The following KRT33B variants were observed in gnomAD, a reference collection of about 807,000 sequenced individuals.
The protein encoded by KRT33B is keratin, type I cuticular Ha3-II.
KRT33B carries 37 observed loss-of-function variants against 42.7 expected under a neutral mutation model. That is an observed-to-expected ratio of 0.87 (90% CI 0.67 to 1.14). KRT33B has a LOEUF of 1.14. KRT33B is among the 50% of genes most tolerant of loss of function. KRT33B has a pLI of 0.00. For synonymous variants in KRT33B, 237 were observed against 221.2 expected, an observed-to-expected ratio of 1.07 and a Z score of -0.63; for missense variants, 523 against 515.1, an observed-to-expected ratio of 1.02 and a Z score of -0.15.
intron 6 of KRT33B, 57 bp from the exon 7 acceptor site, chr17:41,364,010 ACT>A (rs1171743943): frequency 8.3e-7 from 1 of 1,207,276 alleles, no homozygotes; most frequent in East Asian, 2.4e-5. Flanking sequence ...AACAAGGGAG[ACT>A]CAATCCAAAG....
At chr17:41,364,695 A>C in intron 6 of KRT33B, 84 bp downstream of exon 6, 1 of 1,562,582 alleles carries the variant, frequency 6.4e-7, no homozygotes. Flanking sequence ...TTGGCATCTG[A>C]AACTTGATTT....
chr17:41,363,976 T>C, intron 6 of KRT33B, 23 bp from the exon 7 acceptor site: 3 of 1,509,610 alleles, frequency 2.0e-6, no homozygotes, highest in Non-Finnish European at 1.8e-6. Flanking sequence ...AGCATTAGAC[T>C]GTCAGCATGA....
rs1235932558 is a variant in KRT33B at position 41,369,800 on chromosome 17, C to A, written c.-50G>T. On this transcript the variant is annotated 5_prime_UTR_variant, in exon 1 of 7. The change creates a new upstream start codon in the 5' untranslated region. Transcript: ENST00000251646. ...GGAAGTCAGTTTCAAAACCTGATTC[C>A]TTTTCCCTGGGATAAGCCTTGGTCC... is the stretch of plus-strand genomic sequence containing the variant. The A allele has an allele frequency of 1.3e-6, 2 of 1,566,542 alleles. No individual in the cohort carries two copies. The highest frequency in any genetic ancestry group is 1.4e-5 in the African/African-American group (1 of 73,762).
chr17:41,367,802 C>A (rs1351704485), intron 2 of KRT33B, 106 bp downstream of exon 2: 3 of 943,200 alleles, frequency 3.2e-6, no homozygotes, highest in African/African-American at 3.3e-5. Flanking sequence ...ATGCAAGAAT[C>A]CTCCCAATAG....
chr17:41,365,088 T>C (rs1032994119), intron 5 of KRT33B, 87 bp downstream of exon 5: 10 of 1,609,622 alleles, frequency 6.2e-6, no homozygotes, highest in Non-Finnish European at 5.9e-6. Flanking sequence ...CTCCAAGAGC[T>C]AAGAAGAGTG....
chr17:41,366,963 C>A (rs2017709506), intron 2 of KRT33B, among the ~76,000 whole-genome samples: 1 of 151,284 alleles, frequency 6.6e-6, no homozygotes, highest in African/African-American at 2.5e-5. Flanking sequence ...GTTGTCCTGT[C>A]ATCCTTTCCA....
rs745783570 is a variant in KRT33B at position 41,366,479 on chromosome 17, G to T, written c.579C>A (p.Asn193Lys). ...LKEELLSLKQ[N>K]HEQEVNTLRC... ...GGGCTGGGACTCTTACCTGCTCATGGTTCTGCTTGAGGGACAGCAGCTCCT... is the reference window on the plus strand; with the variant it reads ...GGGCTGGGACTCTTACCTGCTCATGTTTCTGCTTGAGGGACAGCAGCTCCT... The change falls in exon 3 of 7, where the codon AAC (asparagine) becomes AAA (lysine). Residue 193 changes from asparagine (N) to lysine (K), a missense_variant. Transcript: ENST00000251646. The T allele has an allele frequency of 1.2e-6, 2 of 1,612,422 alleles. No individual in the cohort carries two copies. The highest frequency in any genetic ancestry group is 2.2e-5 in the East Asian group (1 of 44,862).
chr17:41,364,769 A>T lies in KRT33B; in HGVS notation c.1097+10T>A. On this transcript the variant is annotated intron_variant, in intron 6 of 6. Coordinates refer to ENST00000251646, the MANE Select transcript of KRT33B (RefSeq NM_002279.5). Reference sequence around the variant, plus strand: ...GTCCCTTGCAGGGGTGCCGTCCGCCAGGTACTCACTTGCAGTCCTCGCTCT... The same window carrying T: ...GTCCCTTGCAGGGGTGCCGTCCGCCTGGTACTCACTTGCAGTCCTCGCTCT... The T allele has an allele frequency of 1.2e-6, 2 of 1,612,454 alleles. No individual in the cohort carries two copies. The highest frequency in any genetic ancestry group is 1.7e-6 in the Non-Finnish European group (2 of 1,179,878).
At chr17:41,366,414 A>T in intron 3 of KRT33B, 56 bp downstream of exon 3, 2 of 1,597,474 alleles carry the variant, frequency 1.3e-6, no homozygotes, top group Admixed American at 1.7e-5. Context: ...ACCTTATCCT[A>T]TTCAGGGGGA....
At position 41,369,309 on chromosome 17, in the gene KRT33B, T is replaced by C. The variant is rs879012707; in HGVS notation, c.348+94A>G. On this transcript the variant is annotated intron_variant, in intron 1 of 6. Coordinates refer to ENST00000251646, the MANE Select transcript of KRT33B (RefSeq NM_002279.5). Reference sequence around the variant, plus strand: ...ATCTATGTCTTTATCATTCTCAGCATTACTGTGAACAGACTTAGATCCATT... The same window carrying C: ...ATCTATGTCTTTATCATTCTCAGCACTACTGTGAACAGACTTAGATCCATT... 89 of 1,476,734 alleles carry C rather than the reference T, an allele frequency of 6.0e-5. 1 individual carries two copies. The South Asian group carries it at 1.1e-3, about 19-fold the overall frequency. 91.5% of individuals were successfully genotyped at this position (1,476,734 alleles called of 1,614,324 possible).
intron 3 of KRT33B, among the ~76,000 whole-genome samples, 169 bp from the exon 4 acceptor site, chr17:41,365,722 C>T (rs1293481146): frequency 1.3e-5 from 2 of 151,368 alleles, no homozygotes; most frequent in Non-Finnish European, 2.9e-5. Context: ...TCCCTTCCCT[C>T]ATCTGTATGA....
Position 41,364,970 on chromosome 17 carries a change from C to T in KRT33B, c.906G>A (p.Glu302=), listed in dbSNP as rs764712287. ...LRYSLENTLT[E]SEARYSSQLS... ...GCTGGGAGCTGTAGCGGGCCTCGCTCTCTGTCAGCGTGTTTTCCAGAGAGT... is the reference window on the plus strand; with the variant it reads ...GCTGGGAGCTGTAGCGGGCCTCGCTTTCTGTCAGCGTGTTTTCCAGAGAGT... Residue 302 remains glutamate (E), a synonymous_variant, in exon 6 of 7, where the codon GAG becomes GAA. Coordinates refer to ENST00000251646, the MANE Select transcript of KRT33B (RefSeq NM_002279.5). The T allele has an allele frequency of 1.2e-6, 2 of 1,613,396 alleles. No individual in the cohort carries two copies. Among genetic ancestry groups the T allele is most frequent in the South Asian group, 1.1e-5 (1 of 91,088 alleles).
At chr17:41,365,141 C>G (rs1361160294) in intron 5 of KRT33B, 34 bp downstream of exon 5, 23 of 1,609,808 alleles carry the variant, frequency 1.4e-5, no homozygotes, top group Non-Finnish European at 2.0e-5. Context: ...TCCCAAGTTC[C>G]CATCGCTCAC....
rs373617148 is a variant in KRT33B, at chr17:41,367,958, C to G, written c.381G>C (p.Leu127=). 3 of 1,612,962 alleles carry G rather than the reference C, an allele frequency of 1.9e-6. No individual in the cohort carries two copies. Among genetic ancestry groups the G allele is most frequent in the Non-Finnish European group, 2.5e-6 (3 of 1,180,028 alleles). ...ILCSKSENAR[L]VVQIDNAKLA... Reference sequence around the variant, plus strand: ...GCTTGGCATTGTCGATCTGCACCACCAGCCTGGCATTCTCAGACTTGCTGC... The same window carrying G: ...GCTTGGCATTGTCGATCTGCACCACGAGCCTGGCATTCTCAGACTTGCTGC... The change falls in exon 2 of 7, where the codon CTG becomes CTC. Residue 127 remains leucine (L), a synonymous_variant. Transcript: ENST00000251646.
chr17:41,367,237 GA>G, intron 2 of KRT33B, among the ~76,000 whole-genome samples: 1 of 151,496 alleles, frequency 6.6e-6, no homozygotes, highest in East Asian at 1.9e-4. Context: ...AGTATTGATT[GA>G]TTCTCTGAAA....
intron 5 of KRT33B, 57 bp from the exon 6 acceptor site, chr17:41,365,056 G>T: frequency 6.2e-7 from 1 of 1,609,280 alleles, no homozygotes; most frequent in Non-Finnish European, 8.5e-7. Flanking sequence ...GTTCCTCCAT[G>T]GGGTTCGAAA....
chr17:41,365,496 C>A lies in KRT33B; in HGVS notation c.646G>T (p.Ala216Ser). The A allele has an allele frequency of 6.2e-7, 1 of 1,613,016 alleles. No individual in the cohort carries two copies. Among genetic ancestry groups the A allele is most frequent in the Non-Finnish European group, 8.5e-7 (1 of 1,180,004 alleles). The change falls in exon 4 of 7, where the codon GCT becomes TCT. Residue 216 changes from alanine (A) to serine (S), a missense_variant. Coordinates refer to ENST00000251646, the MANE Select transcript of KRT33B (RefSeq NM_002279.5). ...GDRLNVEVDAAPAVDLNQVLN... is the reference protein window; with the variant it reads ...GDRLNVEVDASPAVDLNQVLN... ...ACCTGGTTCAGGTCCACAGCGGGAG[C>A]AGCGTCCACCTCCACGTTGAGGCGG...
At chr17:41,364,631 A>G in intron 6 of KRT33B, 148 bp downstream of exon 6, 1 of 1,048,388 alleles carries the variant, frequency 9.5e-7, no homozygotes, top group South Asian at 1.6e-5. Context: ...GTTAGCAACA[A>G]ATATCCTACA....
intron 1 of KRT33B, among the ~76,000 whole-genome samples, chr17:41,368,461 C>A (rs1456256964): frequency 3.3e-5 from 5 of 151,202 alleles, no homozygotes; most frequent in Admixed American, 2.6e-4. Flanking sequence ...CTAGCAAGAC[C>A]CCTTGTGTAA....
Sources: gnomAD v4.1 joint callset for allele counts (sites outside exome capture counted in the v4.1 genomes callset) on GRCh38, gnomAD v4.1.1 for gene constraint, MANE v1.5 for transcripts, NCBI Gene and HGNC (gene_info 2026-07-23, HGNC 2026-07-21) for gene names.